Variants in PABPC1L observed in about 807,000 individuals in gnomAD.
PABPC1L encodes poly(A) binding protein cytoplasmic 1 like.
PABPC1L carries 31 observed loss-of-function variants against 66.6 expected under a neutral mutation model. The ratio of observed to expected loss-of-function variants is 0.47; its 90% CI spans 0.35 to 0.63. The LOEUF (loss-of-function observed/expected upper bound fraction) is 0.63, where lower values mean the gene tolerates loss of function less well. Ranked by LOEUF, PABPC1L falls within the 20% of genes least tolerant of loss-of-function variation. PABPC1L has a pLI of 0.00. For synonymous variants in PABPC1L, 348 were observed against 335.1 expected, an observed-to-expected ratio of 1.04 and a Z score of -0.42; for missense variants, 722 against 848.8, an observed-to-expected ratio of 0.85 and a Z score of 1.86.
chr20:44,927,490 G>A (rs969014348), intron 7 of PABPC1L, among the ~76,000 whole-genome samples: 2 of 151,988 alleles, frequency 1.3e-5, no homozygotes, highest in Non-Finnish European at 2.9e-5. Context: ...TGGGATTACA[G>A]GCGCCTCTCA....
intron 2 of PABPC1L, among the ~76,000 whole-genome samples, chr20:44,916,354 C>T (rs980260429): frequency 2.6e-5 from 4 of 152,200 alleles, no homozygotes; most frequent in African/African-American, 9.6e-5. Flanking sequence ...CTCACCGCAA[C>T]CTCCGCCTCC....
In PABPC1L at chr20:44,917,802, C is replaced by T. The variant is rs2425680; in HGVS notation, c.503+931C>T. Among the ~76,000 whole-genome samples the T allele has an allele frequency of 3.8e-3, 572 of 152,158 alleles. 1 individual carries two copies. Among genetic ancestry groups the T allele is most frequent in the Non-Finnish European group, 5.8e-3 (394 of 68,006 alleles). On this transcript the variant is annotated intron_variant, in intron 3 of 14. Coordinates refer to ENST00000217073, the MANE Select transcript of PABPC1L (RefSeq NM_001372179.1). Reference sequence around the variant, plus strand: ...GTTACTCAGAGGAGGGTCCAGTCAACCTGTCAAACAAATCTTGGTGGGCTT... The same window carrying T: ...GTTACTCAGAGGAGGGTCCAGTCAATCTGTCAAACAAATCTTGGTGGGCTT...
At chr20:44,921,399 C>T (rs574219906) in intron 5 of PABPC1L, among the ~76,000 whole-genome samples, 195 bp from the exon 6 acceptor site, 6 of 152,114 alleles carry the variant, frequency 3.9e-5, no homozygotes, top group East Asian at 1.9e-4. Context: ...CCGTCCCCCT[C>T]GGCCACCCAA....
At chr20:44,919,812 TCA>T (rs1272383507) in intron 5 of PABPC1L, among the ~76,000 whole-genome samples, 1 of 152,194 alleles carries the variant, frequency 6.6e-6, no homozygotes, top group Non-Finnish European at 1.5e-5. Flanking sequence ...GATGCCATCT[TCA>T]CACACAAAAA....
In PABPC1L at chr20:44,939,017, C is replaced by G. The variant is rs2066923085; in HGVS notation, c.*7-109C>G. On this transcript the variant is annotated intron_variant, in intron 14 of 14. Coordinates refer to ENST00000217073, the MANE Select transcript of PABPC1L (RefSeq NM_001372179.1). ...TGGGCTTTCCCAGGGCCCTGCCTGG[C>G]TCCATTCTGCCTGCCTGAAGGCCTG... 4 of 701,990 alleles carry G rather than the reference C, an allele frequency of 5.7e-6. No homozygotes were observed. The Admixed American group carries it at 6.1e-5, about 11-fold the overall frequency. 43.5% of individuals were successfully genotyped at this position (701,990 alleles called of 1,614,324 possible). A position where few individuals can be genotyped will look rare whatever the true frequency, so the allele number is the denominator to read the frequency against.
At chr20:44,926,691 C>T (rs1356674648) in intron 7 of PABPC1L, among the ~76,000 whole-genome samples, 20 of 151,998 alleles carry the variant, frequency 1.3e-4, no homozygotes, top group African/African-American at 4.6e-4. Context: ...GGATTACAGG[C>T]GCCCGCCACC....
At chr20:44,916,993 CCCT>C (rs1310173988) in intron 3 of PABPC1L, 122 bp downstream of exon 3, 6 of 888,344 alleles carry the variant, frequency 6.8e-6, no homozygotes, top group Non-Finnish European at 1.1e-5. Flanking sequence ...CGGCAGGCAG[CCCT>C]CCTAGAAGTG....
chr20:44,938,649 C>CG (rs1568654657), intron 13 of PABPC1L, 25 bp from the exon 14 acceptor site: 1 of 1,584,152 alleles, frequency 6.3e-7, no homozygotes, highest in Admixed American at 1.8e-5. Flanking sequence ...CTGCACTAAG[C>CG]CCCCCCGCCA....
chr20:44,938,073 A>G lies in PABPC1L; in HGVS notation c.1673A>G (p.Tyr558Cys). The G allele has an allele frequency of 6.2e-7, 1 of 1,613,960 alleles. No homozygotes were observed. The highest frequency in any genetic ancestry group is 1.3e-5 in the African/African-American group (1 of 74,964). ...EQKQMIGERL[Y>C]PLIHDVHTQL... The stretch of plus-strand genomic sequence containing the variant: ...GTGTTCCACACAGGGGAGCGTCTCT[A>G]CCCCCTTATCCATGATGTCCACACC... Residue 558 changes from tyrosine (Y) to cysteine (C), a missense_variant, in exon 13 of 15, where the codon TAC becomes TGC. Coordinates refer to ENST00000217073, the MANE Select transcript of PABPC1L (RefSeq NM_001372179.1).
intron 7 of PABPC1L, among the ~76,000 whole-genome samples, chr20:44,928,557 C>T (rs60334575): frequency 0.012 from 1,839 of 152,156 alleles, 31 homozygotes; most frequent in African/African-American, 0.04. Flanking sequence ...GTATCCATGA[C>T]CTACCTGAGG....
intron 2 of PABPC1L, among the ~76,000 whole-genome samples, chr20:44,914,543 G>T (rs1031263940): frequency 6.6e-6 from 1 of 152,130 alleles, no homozygotes; most frequent in Non-Finnish European, 1.5e-5. Flanking sequence ...TGTGTGCCAA[G>T]CATAATCCTT....
rs1473946477 is a variant in PABPC1L, at chr20:44,910,219, A to G, written c.76A>G (p.Met26Val). The G allele has an allele frequency of 1.1e-5, 17 of 1,578,148 alleles. No individual in the cohort carries two copies. The highest frequency in any genetic ancestry group is 3.6e-5 in the Admixed American group (2 of 55,392). Reference sequence around the variant, plus strand: ...TCTGCACCCCGACGTGACCGAGGCCATGCTCTATGAGAAGTTCTCTCCCGC... The same window carrying G: ...TCTGCACCCCGACGTGACCGAGGCCGTGCTCTATGAGAAGTTCTCTCCCGC... ...GDLHPDVTEA[M>V]LYEKFSPAGP... is the part of the protein sequence containing the mutation. Residue 26 changes from methionine (M) to valine (V), a missense_variant, in exon 1 of 15, where the codon ATG becomes GTG. Transcript: ENST00000217073.
chr20:44,921,186 G>A (rs1207363460), intron 5 of PABPC1L, among the ~76,000 whole-genome samples: 6 of 137,394 alleles, frequency 4.4e-5, no homozygotes, highest in Non-Finnish European at 1.5e-5. Flanking sequence ...TTTCACTCTT[G>A]TTGCCCAGGC....
intron 1 of PABPC1L, 63 bp from the exon 2 acceptor site, chr20:44,912,597 T>TG: frequency 7.1e-7 from 1 of 1,401,194 alleles, no homozygotes; most frequent in Non-Finnish European, 9.8e-7. Context: ...CCTCGAGGGG[T>TG]GGGTGATCAA....
chr20:44,921,674 G>T lies in PABPC1L; in HGVS notation c.819G>T (p.Gln273His). ...GGGCCCAAAAGCGCGTGGAGCGGCA[G>T]AATGAACTGAAGCGCAGGTTTGAGC... ...AGRAQKRVER[Q>H]NELKRRFEQM... The change falls in exon 6 of 15, where the codon CAG becomes CAT. Residue 273 changes from glutamine (Q) to histidine (H), a missense_variant. Transcript: ENST00000217073. The T allele has an allele frequency of 6.2e-7, 1 of 1,614,096 alleles. No individual in the cohort carries two copies. The highest frequency in any genetic ancestry group is 1.1e-5 in the South Asian group (1 of 91,082).
intron 5 of PABPC1L, among the ~76,000 whole-genome samples, chr20:44,919,808 A>T (rs897333890): frequency 1.3e-5 from 2 of 152,216 alleles, no homozygotes; most frequent in South Asian, 2.1e-4. Context: ...GCAAGATGCC[A>T]TCTTCACACA....
chr20:44,932,362 C>T lies in PABPC1L; in HGVS notation c.1260C>T (p.Tyr420=). 6 of 1,613,704 alleles carry T rather than the reference C, an allele frequency of 3.7e-6. No individual in the cohort carries two copies. The highest frequency in any genetic ancestry group is 5.1e-6 in the Non-Finnish European group (6 of 1,179,746). The change falls in exon 9 of 15, where the codon TAC becomes TAT. Residue 420 remains tyrosine (Y), a synonymous_variant. Transcript: ENST00000217073. Reference sequence around the variant, plus strand: ...TGCAGCCTCCAGCCCAGGCTGCATACTATGGCTGTGGCCCAGTGACACCCA... The same window carrying T: ...TGCAGCCTCCAGCCCAGGCTGCATATTATGGCTGTGGCCCAGTGACACCCA... ...AMPQPPAQAA[Y]YGCGPVTPTQ...
At chr20:44,917,030 C>A (rs1479750445) in intron 3 of PABPC1L, among the ~76,000 whole-genome samples, 159 bp downstream of exon 3, 1 of 152,188 alleles carries the variant, frequency 6.6e-6, no homozygotes, top group Non-Finnish European at 1.5e-5. Flanking sequence ...GCTGCTCAAC[C>A]TCTCAGGGAC....
Position 44,916,763 on chromosome 20 carries a change from G to A in PABPC1L, c.395G>A (p.Cys132Tyr). ...FGNILSCKVA[C>Y]DEHGSRGFGF... ...TTCCTCCCTGTGGCCCAGGTGGCGT[G>A]TGACGAGCATGGCTCCCGGGGTTTC... The change falls in exon 3 of 15, where the codon TGT (cysteine) becomes TAT (tyrosine). Residue 132 changes from cysteine to tyrosine, a missense_variant. Cys to Tyr is a radical substitution (Grantham distance 194). Transcript: ENST00000217073. 6.2e-7 allele frequency: 1 copy of A among 1,614,218 alleles called. No individual in the cohort carries two copies. The highest frequency in any genetic ancestry group is 8.5e-7 in the Non-Finnish European group (1 of 1,180,040).
Sources: allele counts gnomAD v4.1 joint callset (sites outside exome capture counted in the v4.1 genomes callset), GRCh38; gene constraint gnomAD v4.1.1; transcripts MANE v1.5; gene names NCBI Gene and HGNC (gene_info 2026-07-23, HGNC 2026-07-21).